Variants in ARHGEF4 observed in about 807,000 individuals in gnomAD.
ARHGEF4 encodes APC-stimulated guanine nucleotide exchange factor 1.
Under a neutral mutation model 162.0 loss-of-function variants are expected in ARHGEF4, and 119 were observed. The observed-to-expected ratio is 0.73, with a 90% confidence interval of 0.63 to 0.86. ARHGEF4 has a LOEUF of 0.86. Among genes scored for constraint, ARHGEF4 ranks in the 40% least tolerant of loss-of-function variants. The probability of loss-of-function intolerance (pLI) is 0.00; values close to 1 mark genes in which losing one functional copy is unlikely to be tolerated. For synonymous variants in ARHGEF4, 1,014 were observed against 979.9 expected, an observed-to-expected ratio of 1.03 and a Z score of -0.65; for missense variants, 2,488 against 2,456.0, an observed-to-expected ratio of 1.01 and a Z score of -0.28.
chr2:130,915,057 C>G lies in ARHGEF4; in HGVS notation c.1111C>G (p.Arg371Gly). Residue 371 changes from arginine (R) to glycine (G), a missense_variant, in exon 2 of 14, where the codon CGA becomes GGA. Around this residue, in one of 6 missense-constraint regions of ARHGEF4, gnomAD observed 1,642 missense variants for 1,481.5 expected, o/e 1.11. Coordinates refer to ENST00000409359, the MANE Select transcript of ARHGEF4 (RefSeq NM_001367493.1). ...TGTGAAGGAAGGGGCCAAAAATGAACGAGATCCAAGAATACAAAACATCCC... is the reference window on the plus strand; with the variant it reads ...TGTGAAGGAAGGGGCCAAAAATGAAGGAGATCCAAGAATACAAAACATCCC... ...THVKEGAKNE[R>G]DPRIQNIPSP... The G allele has an allele frequency of 6.4e-7, 1 of 1,550,696 alleles. No individual in the cohort carries two copies. Among genetic ancestry groups the G allele is most frequent in the East Asian group, 2.4e-5 (1 of 40,916 alleles).
chr2:131,006,904 T>C (rs764076052), intron 4 of ARHGEF4, among the ~76,000 whole-genome samples: 1 of 152,214 alleles, frequency 6.6e-6, no homozygotes. Flanking sequence ...GTGGTCCTGC[T>C]GAACACAGTT....
chr2:131,044,536 G>C lies in ARHGEF4; in HGVS notation c.5395G>C (p.Glu1799Gln). The stretch of plus-strand genomic sequence containing the variant: ...GAGGGAGCAGGTGCAGCTGGACCAG[G>C]AGACAGGTTCGAGACCCTGCTGGGC... ...REREQVQLDQ[E>Q]TGFSITELQR... The change falls in exon 12 of 14, where the codon GAG becomes CAG. Residue 1799 changes from glutamate (E) to glutamine (Q), a missense_variant. Coordinates refer to ENST00000409359, the MANE Select transcript of ARHGEF4 (RefSeq NM_001367493.1). 1 of 1,550,380 alleles carries C rather than the reference G, an allele frequency of 6.5e-7. No homozygotes were observed. Among genetic ancestry groups the C allele is most frequent in the Non-Finnish European group, 8.7e-7 (1 of 1,146,804 alleles).
intron 1 of ARHGEF4, among the ~76,000 whole-genome samples, chr2:130,882,457 G>A (rs1160525649): frequency 6.6e-6 from 1 of 152,024 alleles, no homozygotes; most frequent in East Asian, 1.9e-4. Context: ...GTGGTGGGAG[G>A]GGTGAGTGAG....
At chr2:130,962,320 G>A (rs1272925534) in intron 4 of ARHGEF4, among the ~76,000 whole-genome samples, 2 of 151,810 alleles carry the variant, frequency 1.3e-5, no homozygotes, top group Non-Finnish European at 2.9e-5. Flanking sequence ...CTTTCCTGGA[G>A]GAACTGAGGA....
At chr2:131,002,713 A>G (rs1313661878) in intron 4 of ARHGEF4, among the ~76,000 whole-genome samples, 1 of 68,302 alleles carries the variant, frequency 1.5e-5, no homozygotes, top group Non-Finnish European at 2.5e-5. Context: ...CCGTCTCAAA[A>G]AAAAAAAAAA....
rs375492579 is a variant in ARHGEF4, at chr2:131,029,702, C to T, written c.4125+1618C>T. ...CCAAGTAGCTGGGATTACAGGCGCC[C>T]GCCACCACACCTGGCTAATTTTTGT... On this transcript the variant is annotated intron_variant, in intron 5 of 13. Transcript: ENST00000409359. Among the ~76,000 whole-genome samples the T allele has an allele frequency of 2.2e-4, 33 of 152,026 alleles. 1 individual carries two copies. In the East Asian group the frequency reaches 5.9e-3, roughly 27 times the overall value.
intron 10 of ARHGEF4, among the ~76,000 whole-genome samples, chr2:131,042,177 C>T (rs1206733696): frequency 6.6e-6 from 1 of 152,226 alleles, no homozygotes; most frequent in Non-Finnish European, 1.5e-5. Context: ...TGAAACTCCT[C>T]CCATGAGCAG....
At chr2:130,864,202 A>G (rs1574115633) in intron 1 of ARHGEF4, among the ~76,000 whole-genome samples, 1 of 137,754 alleles carries the variant, frequency 7.3e-6, no homozygotes, top group African/African-American at 3.1e-5. Flanking sequence ...AGAAAGAAAG[A>G]AAAAAAAAAA....
At chr2:130,945,146 GA>G (rs1407707119) in intron 3 of ARHGEF4, among the ~76,000 whole-genome samples, 3 of 151,954 alleles carry the variant, frequency 2.0e-5, no homozygotes, top group Non-Finnish European at 2.9e-5. Flanking sequence ...GTAAGTGCGG[GA>G]ACTCATACAC....
chr2:130,999,157 TTTC>T (rs1412062872), intron 4 of ARHGEF4, among the ~76,000 whole-genome samples: 168 of 151,368 alleles, frequency 1.1e-3, no homozygotes, highest in African/African-American at 3.9e-3. Context: ...TTTTTTGTTT[TTTC>T]TTTTTTTTTT....
chr2:130,837,717 G>T (rs995654354), intron 1 of ARHGEF4: 1 of 411,504 alleles, frequency 2.4e-6, no homozygotes, highest in African/African-American at 2.1e-5. Flanking sequence ...CCAGCGGGAG[G>T]GCGGTTGCGA....
intron 1 of ARHGEF4, among the ~76,000 whole-genome samples, chr2:130,881,862 C>G (rs1030336738): frequency 1.3e-5 from 2 of 152,016 alleles, no homozygotes; most frequent in African/African-American, 2.4e-5. Context: ...GTACGAGAAC[C>G]ACCTTGGCCA....
chr2:130,991,428 C>G (rs867093505), intron 4 of ARHGEF4, among the ~76,000 whole-genome samples: 6 of 152,354 alleles, frequency 3.9e-5, no homozygotes, highest in Admixed American at 2.6e-4. Context: ...ACTCCCTCAG[C>G]TTGCAGGGAG....
intron 1 of ARHGEF4, among the ~76,000 whole-genome samples, chr2:130,843,256 G>A (rs1407538956): frequency 6.6e-6 from 1 of 152,198 alleles, no homozygotes; most frequent in East Asian, 1.9e-4. Flanking sequence ...GGCGGAAGGA[G>A]GGTCTAAACT....
At chr2:131,036,430 A>T (rs554881568) in intron 5 of ARHGEF4, among the ~76,000 whole-genome samples, 1 of 152,276 alleles carries the variant, frequency 6.6e-6, no homozygotes, top group African/African-American at 2.4e-5. Flanking sequence ...AAAGGCAATT[A>T]ACACCTCCTC....
chr2:131,039,877 A>C, intron 6 of ARHGEF4, 139 bp from the exon 7 acceptor site: 1 of 1,426,844 alleles, frequency 7.0e-7, no homozygotes, highest in Non-Finnish European at 9.1e-7. Flanking sequence ...TGGTGGGGGG[A>C]GCTGGCCGGC....
intron 4 of ARHGEF4, among the ~76,000 whole-genome samples, chr2:131,000,076 T>A (rs573421669): frequency 1.8e-4 from 27 of 152,388 alleles, no homozygotes; most frequent in African/African-American, 5.5e-4. Context: ...GGAATTTCCA[T>A]AATAAAATGT....
chr2:130,880,962 A>G (rs774743755), intron 1 of ARHGEF4, among the ~76,000 whole-genome samples: 12 of 152,168 alleles, frequency 7.9e-5, no homozygotes, highest in Non-Finnish European at 1.5e-4. Flanking sequence ...AGCAAATTGC[A>G]TATTTTCTGT....
At chr2:130,837,683 C>T (rs1043876846) in intron 1 of ARHGEF4, 5 of 438,042 alleles carry the variant, frequency 1.1e-5, no homozygotes, top group African/African-American at 6.1e-5. Context: ...CCACAGGTTG[C>T]CAAGCCCGAC....
Sources: gnomAD v4.1 joint callset for allele counts (sites outside exome capture counted in the v4.1 genomes callset) on GRCh38, gnomAD v4.1.1 for gene constraint, gnomAD v4.1.1 regional missense constraint, MANE v1.5 for transcripts, NCBI Gene and HGNC (gene_info 2026-07-23, HGNC 2026-07-21) for gene names.